The following OTOG variants were observed in gnomAD, a reference collection of about 807,000 sequenced individuals.
OTOG encodes the protein otogelin.
In OTOG, 296 loss-of-function variants were observed where a neutral mutation model predicts 313.8. The ratio of observed to expected loss-of-function variants is 0.94; its 90% confidence interval spans 0.86 to 1.04. The LOEUF is 1.04. Among genes scored for constraint, OTOG ranks in the 50% least tolerant of loss-of-function variants. The probability of loss-of-function intolerance (pLI) is 0.00; values close to 1 mark genes in which losing one functional copy is unlikely to be tolerated. For synonymous variants in OTOG, 1,533 were observed against 1,554.9 expected (o/e 0.99, Z 0.33); for missense variants, 3,948 against 3,840.1 (o/e 1.03, Z -0.74).
intron 39 of OTOG, among the ~76,000 whole-genome samples, chr11:17,618,971 A>G (rs2134107796): frequency 6.6e-6 from 1 of 152,250 alleles, no homozygotes. Context: ...CTTTTTATTT[A>G]AAGTGGGATT....
Position 17,569,294 on chromosome 11 carries a change from G to A in OTOG, c.1777+6G>A. On this transcript the variant is annotated splice_donor_region_variant and intron_variant, in intron 16 of 55. Transcript: ENST00000399397. ...CATCCCGCCATACACAGATGGTACGGTTTGGGGTGGACAACAGACCTAGTT... is the reference window on the plus strand; with the variant it reads ...CATCCCGCCATACACAGATGGTACGATTTGGGGTGGACAACAGACCTAGTT... 6 of 1,550,530 alleles carry A rather than the reference G, an allele frequency of 3.9e-6. No individual in the cohort carries two copies. The highest frequency in any genetic ancestry group is 5.2e-6 in the Non-Finnish European group (6 of 1,146,952).
At chr11:17,578,178 T>C in intron 22 of OTOG, 195 bp from the exon 23 acceptor site, 1 of 1,245,888 alleles carries the variant, frequency 8.0e-7, no homozygotes. Flanking sequence ...CGCAGTCTTA[T>C]TGTGTGACAG....
intron 54 of OTOG, among the ~76,000 whole-genome samples, chr11:17,643,767 G>A (rs1482617004): frequency 6.6e-6 from 1 of 152,224 alleles, no homozygotes; most frequent in Non-Finnish European, 1.5e-5. Flanking sequence ...TTGGGGCATA[G>A]CATTCAGGAG....
intron 40 of OTOG, among the ~76,000 whole-genome samples, chr11:17,630,686 A>G (rs1372814509): frequency 6.6e-6 from 1 of 152,218 alleles, no homozygotes; most frequent in East Asian, 1.9e-4. Flanking sequence ...CTGCAAGCCA[A>G]TGACTGTTAC....
chr11:17,605,793 A>T (rs923409443), intron 32 of OTOG, 64 bp from the exon 33 acceptor site: 1 of 1,462,298 alleles, frequency 6.8e-7, no homozygotes, highest in South Asian at 1.4e-5. Flanking sequence ...GTGTGCCAGG[A>T]TGCTGTTCCC....
At chr11:17,579,248 C>G (rs1852611156) in intron 23 of OTOG, among the ~76,000 whole-genome samples, 1 of 152,218 alleles carries the variant, frequency 6.6e-6, no homozygotes, top group South Asian at 2.1e-4. Context: ...AGTCGTGGCC[C>G]AGGCGTGAAA....
intron 39 of OTOG, among the ~76,000 whole-genome samples, chr11:17,618,392 A>T (rs1053191464): frequency 6.6e-6 from 1 of 152,220 alleles, no homozygotes; most frequent in African/African-American, 2.4e-5. Context: ...ATGATTTTCC[A>T]GATGCCTTTC....
At position 17,597,265 on chromosome 11, in the gene OTOG, T is replaced by C. The variant is rs533053458; in HGVS notation, c.3682+258T>C. ...CTCAAGGTTAGTGGAGGAGCCAGGG[T>C]TCATCCCTAGAGAGTCCAATGCGAA... On this transcript the variant is annotated intron_variant, in intron 30 of 55. Transcript: ENST00000399397. Among the ~76,000 whole-genome samples the C allele has an allele frequency of 3.1e-4, 47 of 152,236 alleles. No homozygotes were observed. The South Asian group carries it at 8.7e-3, about 28-fold the overall frequency.
Position 17,645,671 on chromosome 11 carries a change from C to T in OTOG, c.8541+28C>T, listed in dbSNP as rs1285200874. ...GCGTGGTGCCCACAAGGCAGTGGGG[C>T]AGCAAAAAATGGGATGGAGGGGGTT... On this transcript the variant is annotated intron_variant, in intron 55 of 55. Coordinates refer to ENST00000399397, the MANE Select transcript of OTOG (RefSeq NM_001292063.2). The T allele has an allele frequency of 1.5e-5, 23 of 1,550,590 alleles. No individual in the cohort carries two copies. The Admixed American group carries it at 2.9e-4, about 20-fold the overall frequency.
rs1012018598 is a variant in OTOG, at chr11:17,641,721, C to A, written c.8191-126C>A. The A allele has an allele frequency of 9.4e-6, 6 of 635,956 alleles. No individual in the cohort carries two copies. In the East Asian group the frequency reaches 1.1e-4, roughly 12 times the overall value. 39.4% of individuals were successfully genotyped at this position (635,956 alleles called of 1,614,324 possible). On this transcript the variant is annotated intron_variant, in intron 51 of 55. Coordinates refer to ENST00000399397, the MANE Select transcript of OTOG (RefSeq NM_001292063.2). ...GCCTGTGACAGAAGGAGGCTGGGAG[C>A]GCCTCTTCTCGAGCACTTACAGAGG...
At position 17,610,869 on chromosome 11, in the gene OTOG, A is replaced by G; in HGVS notation, c.5569A>G (p.Thr1857Ala). The G allele has an allele frequency of 1.3e-6, 2 of 1,550,712 alleles. No individual in the cohort carries two copies. The highest frequency in any genetic ancestry group is 1.7e-6 in the Non-Finnish European group (2 of 1,146,964). ...ACTGCCTTTCACTCCAGCAGCAATG[A>G]CCCAGGCGCACCCACCCACTCACAT... The part of the protein sequence containing the change: ...PVLPFTPAAM[T>A]QAHPPTHIAP... The change falls in exon 36 of 56, where the codon ACC becomes GCC. Residue 1857 changes from threonine to alanine, a missense_variant. Thr to Ala is a moderately conservative substitution (Grantham distance 58). Transcript: ENST00000399397.
intron 15 of OTOG, among the ~76,000 whole-genome samples, chr11:17,563,854 G>GTTTTTT (rs61373849): frequency 4.7e-5 from 5 of 106,612 alleles, no homozygotes; most frequent in Non-Finnish European, 7.4e-5. Context: ...CTAGTTTTTG[G>GTTTTTT]TTTTTTTTTT....
chr11:17,550,776 G>A (rs1180038971), intron 3 of OTOG, among the ~76,000 whole-genome samples: 3 of 152,222 alleles, frequency 2.0e-5, no homozygotes, highest in Non-Finnish European at 4.4e-5. Context: ...TGACTCCTGG[G>A]GCTGGGGCTG....
intron 37 of OTOG, 127 bp downstream of exon 37, chr11:17,612,457 G>C: frequency 7.2e-7 from 1 of 1,394,066 alleles, no homozygotes; most frequent in Admixed American, 2.5e-5. Context: ...GATTTCCTAC[G>C]CTTGTGACCT....
rs201952556 is a variant in OTOG at position 17,645,640 on chromosome 11, C to T, written c.8538C>T (p.Thr2846=). Residue 2846 remains threonine (T), a synonymous_variant, in exon 55 of 56, where the codon ACC becomes ACT. Transcript: ENST00000399397. ...GCAAGAATGAATGCAGGAGCAGCACCCCTGTGCGTGGTGCCCACAAGGCAG... is the reference window on the plus strand; with the variant it reads ...GCAAGAATGAATGCAGGAGCAGCACTCCTGTGCGTGGTGCCCACAAGGCAG... ...TIRKNECRSS[T]PVNLVSCDGR... The T allele has an allele frequency of 6.8e-4, 1,056 of 1,550,710 alleles. 2 individuals are homozygous for T. Among genetic ancestry groups the T allele is most frequent in the Non-Finnish European group, 8.4e-4 (964 of 1,147,020 alleles).
At chr11:17,560,022 T>G (rs575357896) in intron 12 of OTOG, among the ~76,000 whole-genome samples, 1 of 152,188 alleles carries the variant, frequency 6.6e-6, no homozygotes, top group Non-Finnish European at 1.5e-5. Context: ...CTCGAGAGAT[T>G]CATCAGGACA....
At chr11:17,567,423 G>A (rs375831617) in intron 15 of OTOG, among the ~76,000 whole-genome samples, 44 of 152,352 alleles carry the variant, frequency 2.9e-4, no homozygotes, top group South Asian at 1.2e-3. Flanking sequence ...CAGGTTGGCT[G>A]TTGGACTTAA....
At chr11:17,555,959 T>TG in intron 7 of OTOG, 62 bp downstream of exon 7, 1 of 1,271,480 alleles carries the variant, frequency 7.9e-7, no homozygotes, top group Non-Finnish European at 1.1e-6. Context: ...GGTGGATGGG[T>TG]GAGCATCCGC....
chr11:17,564,814 G>A (rs773900143), intron 15 of OTOG, among the ~76,000 whole-genome samples: 4 of 152,202 alleles, frequency 2.6e-5, no homozygotes, highest in Non-Finnish European at 4.4e-5. Context: ...GCCTACAGAG[G>A]CTTGGGGCAT....
Sources: allele counts gnomAD v4.1 joint callset (sites outside exome capture counted in the v4.1 genomes callset), GRCh38; gene constraint gnomAD v4.1.1; transcripts MANE v1.5; gene names NCBI Gene and HGNC (gene_info 2026-07-23, HGNC 2026-07-21).